The following TCF7L2 variants were observed in gnomAD, a reference collection of about 807,000 sequenced individuals.
The protein encoded by TCF7L2 is transcription factor 7 like 2, also known as transcription factor 7-like 2.
Under a neutral mutation model 77.9 loss-of-function variants are expected in TCF7L2, and 23 were observed. The observed-to-expected ratio is 0.30, with a 90% CI of 0.21 to 0.42. The LOEUF (loss-of-function observed/expected upper bound fraction) is 0.42, where lower values mean the gene tolerates loss of function less well. TCF7L2 is among the 10% of genes least tolerant of loss of function. The pLI is 1.00. For missense variants in TCF7L2, 654 were observed against 793.1 expected (o/e 0.82, Z 2.11); for synonymous variants, 413 against 340.2 (o/e 1.21, Z -2.36).
chr10:112,952,712 A>G (rs954615189), intron 3 of TCF7L2, among the ~76,000 whole-genome samples: 1 of 149,452 alleles, frequency 6.7e-6, no homozygotes, highest in Non-Finnish European at 1.5e-5. Context: ...ATCGCCGGCC[A>G]CCCAACTTTG....
At chr10:113,053,878 C>T (rs188570595) in intron 5 of TCF7L2, among the ~76,000 whole-genome samples, 5 of 152,188 alleles carry the variant, frequency 3.3e-5, no homozygotes, top group Admixed American at 2.6e-4. Context: ...GGGAGGATGA[C>T]GTACTCAAGG....
chr10:113,124,083 C>T (rs2065202891), intron 5 of TCF7L2, among the ~76,000 whole-genome samples: 1 of 152,188 alleles, frequency 6.6e-6, no homozygotes, highest in South Asian at 2.1e-4. Flanking sequence ...GCAGAGATGA[C>T]ATCAGTGGCT....
At chr10:113,160,066 T>C in intron 12 of TCF7L2, 74 bp downstream of exon 14, 1 of 1,355,492 alleles carries the variant, frequency 7.4e-7, no homozygotes, top group African/African-American at 1.4e-5. Context: ...TTCTCTGGCC[T>C]GTTGCTTTGT....
intron 3 of TCF7L2, among the ~76,000 whole-genome samples, chr10:112,963,431 A>G (rs1360377775): frequency 3.9e-5 from 6 of 152,228 alleles, no homozygotes; most frequent in Non-Finnish European, 8.8e-5. Context: ...TAGTAGTAAT[A>G]GCACAGGAGT....
At chr10:113,144,118 G>C (rs971578457) in intron 7 of TCF7L2, 93 bp downstream of exon 7, 4 of 922,462 alleles carry the variant, frequency 4.3e-6, no homozygotes, top group African/African-American at 3.4e-5. Flanking sequence ...GTGTGTGTGT[G>C]TGTGTGTGTG....
intron 4 of TCF7L2, among the ~76,000 whole-genome samples, chr10:112,971,461 A>G (rs2134895068): frequency 6.6e-6 from 1 of 152,146 alleles, no homozygotes; most frequent in South Asian, 2.1e-4. Flanking sequence ...GGTGTGCACC[A>G]CCACACCTGG....
intron 5 of TCF7L2, chr10:113,089,357 C>T (rs763389405): frequency 2.4e-5 from 38 of 1,587,842 alleles, no homozygotes; most frequent in South Asian, 1.3e-4. Flanking sequence ...GTGTCCCCCT[C>T]GCTCCCGAGC....
intron 5 of TCF7L2, among the ~76,000 whole-genome samples, chr10:113,121,537 T>C (rs962229502): frequency 2.0e-5 from 3 of 152,190 alleles, no homozygotes; most frequent in African/African-American, 7.2e-5. Flanking sequence ...TTGACTTCTT[T>C]AGAATTGCAA....
At chr10:113,006,029 A>G (rs538211030) in intron 4 of TCF7L2, among the ~76,000 whole-genome samples, 1 of 152,228 alleles carries the variant, frequency 6.6e-6, no homozygotes, top group East Asian at 1.9e-4. Context: ...GGAGAGAAAA[A>G]CGGCTCTGTT....
chr10:112,964,714 AATGATGATGATGATGATGATG>A, intron 4 of TCF7L2, 90 bp downstream of exon 4: 2 of 949,420 alleles, frequency 2.1e-6, no homozygotes, highest in Non-Finnish European at 3.1e-6. Flanking sequence ...CAACTGAGAT[AATGATGATGATGATGATGATG>A]ATGATGGTGG....
At chr10:113,121,641 G>A (rs1187869541) in intron 5 of TCF7L2, among the ~76,000 whole-genome samples, 1 of 152,136 alleles carries the variant, frequency 6.6e-6, no homozygotes, top group Non-Finnish European at 1.5e-5. Flanking sequence ...GATTAGAGTA[G>A]TGTTGGAAAG....
chr10:113,094,797 T>A (rs1020832769), intron 5 of TCF7L2, among the ~76,000 whole-genome samples: 1 of 152,220 alleles, frequency 6.6e-6, no homozygotes, highest in African/African-American at 2.4e-5. Flanking sequence ...GCTTAGCTAT[T>A]GCCCCAATGA....
At chr10:113,072,672 C>T (rs1056512769) in intron 5 of TCF7L2, among the ~76,000 whole-genome samples, 1 of 152,126 alleles carries the variant, frequency 6.6e-6, no homozygotes, top group Non-Finnish European at 1.5e-5. Flanking sequence ...TGCTTTTAAA[C>T]TACTTAAATA....
intron 5 of TCF7L2, among the ~76,000 whole-genome samples, chr10:113,052,749 A>G (rs1009223937): frequency 6.6e-6 from 1 of 152,138 alleles, no homozygotes; most frequent in Non-Finnish European, 1.5e-5. Context: ...TATGCATTCT[A>G]CCTGTGAATG....
At chr10:113,150,377 C>G (rs2070483302) in intron 8 of TCF7L2, among the ~76,000 whole-genome samples, 1 of 151,344 alleles carries the variant, frequency 6.6e-6, no homozygotes, top group African/African-American at 2.4e-5. Flanking sequence ...ATGTCCATGA[C>G]TTATGATATG....
rs562531164 is a variant in TCF7L2, at chr10:112,961,084, G to A, written c.382-3472G>A. Among the ~76,000 whole-genome samples the A allele has an allele frequency of 2.0e-4, 30 of 151,656 alleles. No homozygotes were observed. In the South Asian group the frequency reaches 6.1e-3, roughly 31 times the overall value. On this transcript the variant is annotated intron_variant, in intron 3 of 13. Coordinates refer to ENST00000627217, the MANE Select transcript of TCF7L2 (RefSeq NM_001146274.2). ...GGCTGGAGTGCAATGCCTAGATCTCGCTCACCGCAACCTCCCCCTCCCGGG... is the reference window on the plus strand; with the variant it reads ...GGCTGGAGTGCAATGCCTAGATCTCACTCACCGCAACCTCCCCCTCCCGGG...
intron 5 of TCF7L2, among the ~76,000 whole-genome samples, chr10:113,055,128 A>G (rs115746058): frequency 0.021 from 3,204 of 152,284 alleles, 108 homozygotes; most frequent in African/African-American, 0.073. Flanking sequence ...GATTCATACC[A>G]AAGTAGAGGA....
intron 4 of TCF7L2, among the ~76,000 whole-genome samples, chr10:112,976,253 G>C (rs1381269560): frequency 1.3e-5 from 2 of 152,220 alleles, no homozygotes; most frequent in Non-Finnish European, 2.9e-5. Context: ...TGAAGTACTT[G>C]TTTGCACATT....
At chr10:113,021,118 C>T (rs1313739414) in intron 4 of TCF7L2, among the ~76,000 whole-genome samples, 1 of 152,194 alleles carries the variant, frequency 6.6e-6, no homozygotes, top group African/African-American at 2.4e-5. Context: ...ACCATTCATG[C>T]TTGGCACAGG....
Sources: allele counts gnomAD v4.1 joint callset (sites outside exome capture counted in the v4.1 genomes callset), GRCh38; gene constraint gnomAD v4.1.1; transcripts MANE v1.5; gene names NCBI Gene and HGNC (gene_info 2026-07-23, HGNC 2026-07-21).